Variants in DMD observed in about 807,000 individuals in gnomAD.
The protein encoded by DMD is dystrophin.
Under a neutral mutation model 330.1 loss-of-function variants are expected in DMD, and 63 were observed. The observed-to-expected ratio is 0.19, with a 90% CI of 0.16 to 0.24. The LOEUF is 0.24. Ranked by LOEUF, DMD falls within the 10% of genes least tolerant of loss-of-function variation. The pLI is 1.00. For synonymous variants in DMD, 1,223 were observed against 959.8 expected (o/e 1.27, Z -5.07); for missense variants, 3,344 against 2,684.1 (o/e 1.25, Z -5.43).
At chrX:31,450,291 G>C (rs1253041465) in intron 59 of DMD, among the ~76,000 whole-genome samples, 2 of 111,728 alleles carry the variant, frequency 1.8e-5, no homozygotes, top group Admixed American at 9.5e-5. Context: ...AATTACCCGG[G>C]AATTGGCAGC....
intron 52 of DMD, among the ~76,000 whole-genome samples, chrX:31,693,800 T>C (rs765898884): frequency 1.6e-4 from 18 of 111,843 alleles, no homozygotes; most frequent in Non-Finnish European, 2.6e-4. Flanking sequence ...TGGAAAGATT[T>C]CTGTGTTCAT....
chrX:31,865,618 CTGAT>C (rs2093783964), intron 48 of DMD, among the ~76,000 whole-genome samples: 1 of 60,913 alleles, frequency 1.6e-5, no homozygotes, highest in Non-Finnish European at 3.2e-5. Context: ...ACACTCCTGA[CTGAT>C]TAATTGGGAA....
rs1450399161 is a variant in DMD, at chrX:33,023,204, T to A, written c.32-3004A>T. ...CATATTTCTTATAACCAAAATAATA[T>A]TCTTTCTTTTTCACTTATTTTATCA... On this transcript the variant is annotated intron_variant, in intron 1 of 78. Coordinates refer to ENST00000357033, the MANE Select transcript of DMD (RefSeq NM_004006.3). Among the ~76,000 whole-genome samples the A allele has an allele frequency of 2.7e-5, 3 of 111,956 alleles. No homozygotes were observed. In the East Asian group the frequency reaches 8.4e-4, roughly 31 times the overall value.
chrX:31,874,132 C>T (rs192228731), intron 48 of DMD, among the ~76,000 whole-genome samples: 3 of 111,086 alleles, frequency 2.7e-5, no homozygotes, highest in South Asian at 3.7e-4. Context: ...ACTTGGGGTA[C>T]GGAAGAAAAC....
At chrX:32,062,269 GAAATGTT>G (rs1244127649) in intron 44 of DMD, among the ~76,000 whole-genome samples, 1 of 110,975 alleles carries the variant, frequency 9.0e-6, no homozygotes, top group Non-Finnish European at 1.9e-5. Flanking sequence ...ATTGTATGAA[GAAATGTT>G]AAACACAATT....
At chrX:31,376,007 T>C (rs780735623) in intron 60 of DMD, among the ~76,000 whole-genome samples, 3 of 111,680 alleles carry the variant, frequency 2.7e-5, no homozygotes, top group South Asian at 7.6e-4. Context: ...TCAAACATGA[T>C]TGAAGCTCCC....
At chrX:31,462,144 T>C (rs762458306) in intron 59 of DMD, among the ~76,000 whole-genome samples, 13 of 111,944 alleles carry the variant, frequency 1.2e-4, no homozygotes, top group African/African-American at 4.2e-4. Flanking sequence ...AGTCGACAAA[T>C]ATTTGCCAGC....
At chrX:32,649,720 T>A (rs1350374331) in intron 9 of DMD, among the ~76,000 whole-genome samples, 1 of 110,456 alleles carries the variant, frequency 9.1e-6, no homozygotes, top group Non-Finnish European at 1.9e-5. Flanking sequence ...TCGTAGAATT[T>A]CTCTGACTAG....
intron 47 of DMD, among the ~76,000 whole-genome samples, chrX:31,900,795 G>A (rs142602663): frequency 0.01 from 1,144 of 111,072 alleles, 19 homozygotes; most frequent in African/African-American, 0.036. Context: ...GTCTGTTCAA[G>A]TCCTTATTAT....
intron 74 of DMD, among the ~76,000 whole-genome samples, chrX:31,148,667 C>T (rs919148549): frequency 8.9e-6 from 1 of 112,007 alleles, no homozygotes; most frequent in South Asian, 3.8e-4. Flanking sequence ...AATTTACTCT[C>T]GCTTCAGTAG....
chrX:32,585,801 G>T (rs5972605), intron 13 of DMD, among the ~76,000 whole-genome samples: 1 of 101,890 alleles, frequency 9.8e-6, no homozygotes, highest in Non-Finnish European at 2.0e-5. Context: ...TATGATCACT[G>T]TTATCTTTGA....
chrX:33,178,822 T>C (rs895523697), intron 1 of DMD, among the ~76,000 whole-genome samples: 6 of 112,147 alleles, frequency 5.4e-5, no homozygotes, highest in African/African-American at 1.9e-4. Context: ...ATCTCTCTTC[T>C]GAGTTGCTCT....
intron 44 of DMD, among the ~76,000 whole-genome samples, chrX:32,169,583 A>G (rs922291689): frequency 3.6e-5 from 4 of 111,929 alleles, no homozygotes; most frequent in African/African-American, 1.3e-4. Flanking sequence ...CTGGTGATCC[A>G]AAAAATATTG....
intron 2 of DMD, among the ~76,000 whole-genome samples, chrX:32,892,303 C>T (rs780064864): frequency 8.9e-5 from 10 of 112,531 alleles, no homozygotes; most frequent in Non-Finnish European, 1.7e-4. Context: ...GCCCTGGCTA[C>T]ACATTAGCAT....
intron 2 of DMD, among the ~76,000 whole-genome samples, chrX:32,894,511 T>C (rs934562843): frequency 8.0e-5 from 9 of 112,486 alleles, no homozygotes; most frequent in Admixed American, 3.7e-4. Flanking sequence ...TTATATAGCA[T>C]TTTTACTTAA....
At chrX:33,140,979 A>C (rs1343145474) in intron 1 of DMD, among the ~76,000 whole-genome samples, 1 of 112,163 alleles carries the variant, frequency 8.9e-6, no homozygotes, top group Non-Finnish European at 1.9e-5. Flanking sequence ...TCATCAGTAT[A>C]TTTTCCCCTA....
At chrX:31,596,086 C>T (rs1458619943) in intron 55 of DMD, among the ~76,000 whole-genome samples, 1 of 111,384 alleles carries the variant, frequency 9.0e-6, no homozygotes, top group Non-Finnish European at 1.9e-5. Flanking sequence ...TATTTGGTTT[C>T]TCCTTTTTTT....
At chrX:31,749,847 G>A (rs1428146029) in intron 51 of DMD, among the ~76,000 whole-genome samples, 1 of 105,907 alleles carries the variant, frequency 9.4e-6, no homozygotes, top group African/African-American at 3.5e-5. Flanking sequence ...TAACTGGTGT[G>A]AGATGGTATC....
At chrX:32,488,932 T>C (rs1041375290) in intron 20 of DMD, among the ~76,000 whole-genome samples, 2 of 111,120 alleles carry the variant, frequency 1.8e-5, no homozygotes, top group Non-Finnish European at 3.8e-5. Flanking sequence ...ATGTTCCTTC[T>C]GCCTGGAATC....
Sources: gnomAD v4.1 joint callset for allele counts (sites outside exome capture counted in the v4.1 genomes callset) on GRCh38, gnomAD v4.1.1 for gene constraint, MANE v1.5 for transcripts, NCBI Gene and HGNC (gene_info 2026-07-23, HGNC 2026-07-21) for gene names.